Variants in SGCD observed in about 807,000 individuals in gnomAD.
SGCD encodes the protein delta-sarcoglycan.
A neutral mutation model predicts 36.6 loss-of-function variants in SGCD; 18 were observed. The ratio of observed to expected loss-of-function variants is 0.49; its 90% CI spans 0.34 to 0.73. The LOEUF (loss-of-function observed/expected upper bound fraction) is 0.73. Ranked by LOEUF, SGCD falls within the 30% of genes least tolerant of loss-of-function variation. The probability of loss-of-function intolerance (pLI) is 0.01; values close to 1 mark genes in which losing one functional copy is unlikely to be tolerated. For missense variants in SGCD, 387 were observed against 346.7 expected (o/e 1.12, Z -0.92); for synonymous variants, 133 against 130.6 (o/e 1.02, Z -0.12).
chr5:156,295,037 G>T (rs1581224783), intron 3 of SGCD, among the ~76,000 whole-genome samples: 1 of 152,134 alleles, frequency 6.6e-6, no homozygotes, highest in Non-Finnish European at 1.5e-5. Flanking sequence ...TTGACAAAAG[G>T]TTGGAAAGGA....
intron 3 of SGCD, among the ~76,000 whole-genome samples, chr5:156,265,484 T>C (rs1343881866): frequency 2.0e-5 from 3 of 152,098 alleles, no homozygotes; most frequent in Non-Finnish European, 4.4e-5. Flanking sequence ...TAATTTTAGA[T>C]ATCTAGTTGC....
At chr5:156,342,498 A>G (rs896108619) in intron 2 of SGCD, among the ~76,000 whole-genome samples, 2 of 152,230 alleles carry the variant, frequency 1.3e-5, no homozygotes, top group African/African-American at 4.8e-5. Flanking sequence ...TTCTTATTTC[A>G]TAGAATATGA....
chr5:155,769,775 T>G, the SGCD span, among the ~76,000 whole-genome samples: 4 of 152,216 alleles, frequency 2.6e-5, no homozygotes, highest in Non-Finnish European at 5.9e-5. Flanking sequence ...CGTGGCCTTC[T>G]TCCAAGTATC....
chr5:156,566,785 A>G (rs570683485), intron 4 of SGCD, among the ~76,000 whole-genome samples: 7 of 152,202 alleles, frequency 4.6e-5, no homozygotes, highest in Non-Finnish European at 8.8e-5. Context: ...AAGGTGTTAC[A>G]GAGATATTAA....
At chr5:155,756,789 A>G in the SGCD span, among the ~76,000 whole-genome samples, 1 of 152,222 alleles carries the variant, frequency 6.6e-6, no homozygotes, top group Non-Finnish European at 1.5e-5. Context: ...AGGAATGACA[A>G]TCACCTGCAC....
chr5:155,765,261 T>C, the SGCD span, among the ~76,000 whole-genome samples: 1 of 146,298 alleles, frequency 6.8e-6, no homozygotes, highest in Non-Finnish European at 1.5e-5. Context: ...GTCTGGGCAA[T>C]AGGGCAAGAC....
the SGCD span, among the ~76,000 whole-genome samples, chr5:155,753,266 G>A: frequency 3.8e-4 from 57 of 151,590 alleles, no homozygotes; most frequent in East Asian, 9.1e-3. Flanking sequence ...GAACCCAGGA[G>A]ATGGAGGTTG....
intron 4 of SGCD, among the ~76,000 whole-genome samples, chr5:156,549,856 G>A (rs1156751585): frequency 6.6e-6 from 1 of 152,196 alleles, no homozygotes; most frequent in Non-Finnish European, 1.5e-5. Flanking sequence ...GGATCAAGAA[G>A]TAGTCACTGC....
chr5:156,148,718 C>A (rs1157013017), intron 3 of SGCD, among the ~76,000 whole-genome samples: 3 of 152,092 alleles, frequency 2.0e-5, no homozygotes, highest in African/African-American at 7.2e-5. Flanking sequence ...TAGACCAACT[C>A]AAAATTACAA....
chr5:156,084,525 G>T (rs1002403750), intron 1 of SGCD, among the ~76,000 whole-genome samples: 1 of 152,180 alleles, frequency 6.6e-6, no homozygotes, highest in Non-Finnish European at 1.5e-5. Context: ...TCAGTGTGGG[G>T]TGGCCTTAGA....
intron 7 of SGCD, among the ~76,000 whole-genome samples, chr5:156,663,136 A>T (rs1763997902): frequency 6.7e-6 from 1 of 148,702 alleles, no homozygotes; most frequent in Non-Finnish European, 1.5e-5. Flanking sequence ...TGATTTCCGC[A>T]CCCCATTGTT....
the SGCD span, among the ~76,000 whole-genome samples, chr5:155,732,353 G>A: frequency 6.6e-6 from 1 of 152,190 alleles, no homozygotes; most frequent in African/African-American, 2.4e-5. Context: ...TTTGAGTCCA[G>A]GCGTGGTTGA....
the SGCD span, among the ~76,000 whole-genome samples, chr5:155,748,874 A>G: frequency 2.6e-5 from 4 of 152,240 alleles, no homozygotes; most frequent in Non-Finnish European, 5.9e-5. Context: ...AGTCATAGGC[A>G]CGACTTCTGA....
At chr5:156,747,545 T>G (rs141364063) in intron 7 of SGCD, among the ~76,000 whole-genome samples, 1 of 152,282 alleles carries the variant, frequency 6.6e-6, no homozygotes, top group Non-Finnish European at 1.5e-5. Flanking sequence ...CACCTTAGTT[T>G]TTCTTGGGCT....
At chr5:155,981,540 C>T (rs769844019) in intron 1 of SGCD, among the ~76,000 whole-genome samples, 16 of 152,170 alleles carry the variant, frequency 1.1e-4, no homozygotes, top group Non-Finnish European at 2.4e-4. Flanking sequence ...TTAGAGGAAA[C>T]GTTGGGTGGC....
At chr5:155,810,065 G>T in the SGCD span, among the ~76,000 whole-genome samples, 2 of 152,106 alleles carry the variant, frequency 1.3e-5, no homozygotes, top group Admixed American at 6.6e-5. Flanking sequence ...ATTGATGTAG[G>T]GTTATTACTT....
intron 3 of SGCD, among the ~76,000 whole-genome samples, chr5:156,158,859 A>G (rs2127617719): frequency 6.6e-6 from 1 of 151,490 alleles, no homozygotes; most frequent in Admixed American, 6.6e-5. Flanking sequence ...TAGAATTGAG[A>G]CCTCCTAGCT....
intron 3 of SGCD, among the ~76,000 whole-genome samples, chr5:156,477,278 G>A (rs1400421326): frequency 8.5e-5 from 13 of 152,124 alleles, no homozygotes; most frequent in Admixed American, 8.5e-4. Flanking sequence ...CATTGAGCAA[G>A]TGAGACTCAC....
chr5:156,355,846 A>G (rs1769467197), intron 3 of SGCD, among the ~76,000 whole-genome samples: 2 of 152,210 alleles, frequency 1.3e-5, no homozygotes, highest in African/African-American at 2.4e-5. Context: ...CATGCTGGCC[A>G]GGCTGGTCTT....
Sources: allele counts gnomAD v4.1 joint callset (sites outside exome capture counted in the v4.1 genomes callset), GRCh38; gene constraint gnomAD v4.1.1; transcripts MANE v1.5; gene names NCBI Gene and HGNC (gene_info 2026-07-23, HGNC 2026-07-21).